The following SUGCT variants were observed in gnomAD, a reference collection of about 807,000 sequenced individuals.
SUGCT encodes the protein succinyl-CoA:glutarate-CoA transferase.
A neutral mutation model predicts 55.0 loss-of-function variants in SUGCT; 41 were observed. The ratio of observed to expected loss-of-function variants is 0.74; its 90% CI spans 0.58 to 0.97. The LOEUF (loss-of-function observed/expected upper bound fraction) is 0.97. SUGCT is among the 50% of genes least tolerant of loss of function. SUGCT has a pLI of 0.00. For missense variants in SUGCT, 568 were observed against 547.8 expected, an observed-to-expected ratio of 1.04 and a Z score of -0.37; for synonymous variants, 187 against 200.4, an observed-to-expected ratio of 0.93 and a Z score of 0.56.
chr7:40,312,511 G>A (rs1318284048), intron 8 of SUGCT, among the ~76,000 whole-genome samples: 1 of 152,094 alleles, frequency 6.6e-6, no homozygotes, highest in African/African-American at 2.4e-5. Context: ...TTGGTATGGG[G>A]TGGGTTCTAT....
intron 12 of SUGCT, among the ~76,000 whole-genome samples, chr7:40,620,381 C>T (rs539430327): frequency 9.3e-4 from 141 of 152,260 alleles, no homozygotes; most frequent in Non-Finnish European, 5.4e-4. Context: ...TAGTACTCTA[C>T]CTACATCACT....
intron 12 of SUGCT, among the ~76,000 whole-genome samples, chr7:40,749,104 G>A (rs1250947421): frequency 3.3e-5 from 5 of 152,104 alleles, no homozygotes; most frequent in South Asian, 2.1e-4. Flanking sequence ...GGAAAAGGCT[G>A]AGCTTTAATA....
chr7:41,023,177 A>AC, the SUGCT span, among the ~76,000 whole-genome samples: 1 of 152,060 alleles, frequency 6.6e-6, no homozygotes, highest in Non-Finnish European at 1.5e-5. Flanking sequence ...ACTTCTTGGG[A>AC]CCCCAGGGTA....
chr7:40,274,380 C>G, intron 7 of SUGCT, 133 bp from the exon 8 acceptor site: 1 of 858,338 alleles, frequency 1.2e-6, no homozygotes, highest in Non-Finnish European at 1.7e-6. Context: ...ATTTTATTAA[C>G]TTTCTTGTGT....
the SUGCT span, among the ~76,000 whole-genome samples, chr7:40,941,087 G>C: frequency 6.6e-6 from 1 of 152,076 alleles, no homozygotes; most frequent in South Asian, 2.1e-4. Flanking sequence ...TTAAAGGGAT[G>C]CTGGATCTTA....
the SUGCT span, among the ~76,000 whole-genome samples, chr7:41,025,484 C>T: frequency 5.7e-4 from 86 of 152,036 alleles, no homozygotes; most frequent in Non-Finnish European, 1.1e-3. Context: ...ATTCTCCTGC[C>T]TCAGCCTCCC....
chr7:40,785,833 A>G (rs1789981947), intron 13 of SUGCT, among the ~76,000 whole-genome samples: 1 of 152,198 alleles, frequency 6.6e-6, no homozygotes, highest in Non-Finnish European at 1.5e-5. Flanking sequence ...CATGCCAGTA[A>G]TCCCAGCACT....
At chr7:40,523,424 A>T (rs974616863) in intron 12 of SUGCT, among the ~76,000 whole-genome samples, 1 of 152,096 alleles carries the variant, frequency 6.6e-6, no homozygotes, top group Admixed American at 6.6e-5. Context: ...AAAGACTATG[A>T]TGTCAAAGGC....
the SUGCT span, among the ~76,000 whole-genome samples, chr7:40,915,882 C>T: frequency 5.3e-5 from 8 of 152,208 alleles, no homozygotes; most frequent in Admixed American, 2.0e-4. Context: ...TTTTTTGGTT[C>T]TCTCTCCACC....
At chr7:40,748,598 A>C (rs1157128982) in intron 12 of SUGCT, among the ~76,000 whole-genome samples, 1 of 151,798 alleles carries the variant, frequency 6.6e-6, no homozygotes, top group Non-Finnish European at 1.5e-5. Flanking sequence ...ATAGAGAATA[A>C]GAATTTATAA....
chr7:40,999,500 G>T, the SUGCT span, among the ~76,000 whole-genome samples: 1 of 152,304 alleles, frequency 6.6e-6, no homozygotes, highest in Non-Finnish European at 1.5e-5. Flanking sequence ...GGAGACTGTA[G>T]ATTATATGAC....
chr7:40,662,736 G>A (rs373841225), intron 12 of SUGCT, among the ~76,000 whole-genome samples: 15 of 152,176 alleles, frequency 9.9e-5, no homozygotes, highest in Admixed American at 2.0e-4. Context: ...GCATCATAGC[G>A]CTCTATTTAA....
chr7:40,728,763 C>T (rs772232503), intron 12 of SUGCT, among the ~76,000 whole-genome samples: 5 of 152,200 alleles, frequency 3.3e-5, no homozygotes, highest in Non-Finnish European at 7.4e-5. Context: ...AGCTGTCTCA[C>T]TGCAGTGCTC....
chr7:40,173,141 G>C (rs1472763152), intron 1 of SUGCT, among the ~76,000 whole-genome samples: 2 of 152,224 alleles, frequency 1.3e-5, no homozygotes, highest in African/African-American at 2.4e-5. Context: ...GGGCCATGCA[G>C]TGAGTGTTAC....
the SUGCT span, among the ~76,000 whole-genome samples, chr7:40,948,433 C>CATGATG: frequency 1.6e-3 from 245 of 149,132 alleles, 2 homozygotes; most frequent in East Asian, 0.016. Context: ...CCCTGAAAAA[C>CATGATG]ATGATGATGA....
At chr7:40,371,472 T>G (rs1338875815) in intron 9 of SUGCT, among the ~76,000 whole-genome samples, 1 of 152,114 alleles carries the variant, frequency 6.6e-6, no homozygotes, top group Non-Finnish European at 1.5e-5. Context: ...TGGAGTCCGG[T>G]TAAGGCAACA....
At chr7:40,858,485 G>T (rs920901307) in intron 13 of SUGCT, among the ~76,000 whole-genome samples, 1 of 151,692 alleles carries the variant, frequency 6.6e-6, no homozygotes, top group African/African-American at 2.4e-5. Flanking sequence ...CTTGCTTCAG[G>T]TAATTCAAGT....
chr7:40,883,644 T>G, the SUGCT span, among the ~76,000 whole-genome samples: 1 of 152,258 alleles, frequency 6.6e-6, no homozygotes, highest in Non-Finnish European at 1.5e-5. Context: ...TGTTGGCTGC[T>G]ATAATTGTTG....
chr7:41,021,614 GC>G, the SUGCT span, among the ~76,000 whole-genome samples: 1 of 151,806 alleles, frequency 6.6e-6, no homozygotes, highest in Non-Finnish European at 1.5e-5. Context: ...GAGTATTAAT[GC>G]CCCCCACCCC....
Sources: gnomAD v4.1 joint callset for allele counts (sites outside exome capture counted in the v4.1 genomes callset) on GRCh38, gnomAD v4.1.1 for gene constraint, MANE v1.5 for transcripts, NCBI Gene and HGNC (gene_info 2026-07-23, HGNC 2026-07-21) for gene names.